The following DROSHA variants were observed in gnomAD, a reference collection of about 807,000 sequenced individuals.
DROSHA encodes the protein ribonuclease 3.
A neutral mutation model predicts 181.9 loss-of-function variants in DROSHA; 56 were observed. The observed-to-expected ratio is 0.31, with a 90% CI of 0.25 to 0.38. The LOEUF is 0.38. DROSHA is among the 10% of genes least tolerant of loss of function. The pLI is 1.00. For synonymous variants in DROSHA, 524 were observed against 591.2 expected (o/e 0.89, Z 1.65); for missense variants, 1,218 against 1,743.5 (o/e 0.70, Z 5.37).
chr5:31,422,097 AAAAG>A (rs1052104196), intron 29 of DROSHA, among the ~76,000 whole-genome samples: 7 of 149,886 alleles, frequency 4.7e-5, no homozygotes, highest in Admixed American at 1.3e-4. Context: ...TCAGAAAAAA[AAAAG>A]AAAGAAAGAA....
chr5:31,423,587 T>C (rs682902), intron 28 of DROSHA, among the ~76,000 whole-genome samples: 54,957 of 152,028 alleles, frequency 0.36, 12,361 homozygotes, highest in East Asian at 0.67. Flanking sequence ...TAACAACTGG[T>C]AGAGAGCAAA....
chr5:31,401,667 G>A (rs1282332256), intron 35 of DROSHA, 105 bp from the exon 36 acceptor site: 1 of 696,612 alleles, frequency 1.4e-6, no homozygotes, highest in Non-Finnish European at 1.9e-6. Context: ...ACGTGCATAT[G>A]AAATGTGTAT....
chr5:31,477,426 T>C (rs536873968), intron 16 of DROSHA, among the ~76,000 whole-genome samples: 1 of 152,334 alleles, frequency 6.6e-6, no homozygotes, highest in African/African-American at 2.4e-5. Flanking sequence ...ATCCTAATAA[T>C]CTTATTTTCT....
chr5:31,479,295 CT>C (rs1750751121), intron 16 of DROSHA, among the ~76,000 whole-genome samples: 1 of 152,182 alleles, frequency 6.6e-6, no homozygotes, highest in Non-Finnish European at 1.5e-5. Context: ...ACTTTACATA[CT>C]TTTGTATTGT....
intron 12 of DROSHA, among the ~76,000 whole-genome samples, chr5:31,494,555 G>C (rs1320947654): frequency 6.6e-6 from 1 of 152,038 alleles, no homozygotes; most frequent in Non-Finnish European, 1.5e-5. Flanking sequence ...GGGAGGGTGA[G>C]GCAAGAGGAT....
At chr5:31,528,894 T>C (rs55968602) in intron 4 of DROSHA, 146 bp downstream of exon 4, 8 of 1,113,866 alleles carry the variant, frequency 7.2e-6, no homozygotes, top group African/African-American at 4.7e-5. Flanking sequence ...TGGCCCTCTA[T>C]TGTATTGTGC....
Sources: gnomAD v4.1 joint callset for allele counts (sites outside exome capture counted in the v4.1 genomes callset) on GRCh38, gnomAD v4.1.1 for gene constraint, MANE v1.5 for transcripts, NCBI Gene and HGNC (gene_info 2026-07-23, HGNC 2026-07-21) for gene names.